The following AKAP12 variants were observed in gnomAD, a reference collection of about 807,000 sequenced individuals.
AKAP12 encodes the protein A-kinase anchoring protein 12, also known as A-kinase anchor protein 12.
A neutral mutation model predicts 79.9 loss-of-function variants in AKAP12; 32 were observed. The ratio of observed to expected loss-of-function variants is 0.40; its 90% CI spans 0.30 to 0.54. The LOEUF is 0.54. Ranked by LOEUF, AKAP12 falls within the 20% of genes least tolerant of loss-of-function variation. The pLI is 0.48. For missense variants in AKAP12, 2,074 were observed against 2,177.0 expected, an observed-to-expected ratio of 0.95 and a Z score of 0.94; for synonymous variants, 808 against 857.0, an observed-to-expected ratio of 0.94 and a Z score of 1.00.
chr6:151,267,949 G>T (rs76262569), intron 2 of AKAP12, among the ~76,000 whole-genome samples: 11,361 of 152,196 alleles, frequency 0.075, 649 homozygotes, highest in East Asian at 0.19. Context: ...TGGGCTGAAT[G>T]GTCATCGTCC....
intron 2 of AKAP12, among the ~76,000 whole-genome samples, chr6:151,262,587 CTTCAAG>C (rs1421617146): frequency 9.0e-6 from 1 of 110,936 alleles, no homozygotes; most frequent in Non-Finnish European, 1.8e-5. Context: ...ATGACTTCAA[CTTCAAG>C]TTCAAACACT....
intron 2 of AKAP12, among the ~76,000 whole-genome samples, chr6:151,279,801 T>C (rs9371503): frequency 0.45 from 68,360 of 151,522 alleles, 16,391 homozygotes; most frequent in East Asian, 0.78. Flanking sequence ...AGCTAACGAT[T>C]GCACCACTGC....
chr6:151,295,767 G>A lies in AKAP12; in HGVS notation c.163-9980G>A, dbSNP rs563396525. Among the ~76,000 whole-genome samples, 22 of 152,328 alleles carry A rather than the reference G, an allele frequency of 1.4e-4. 1 individual carries two copies. The highest frequency in any genetic ancestry group is 7.8e-4 in the Admixed American group (12 of 15,306). ...TCGGCAGTTGGTGGGATGATGTAGC[G>A]TAGGCTGTAAACCCCATCTTGGAAT... On this transcript the variant is annotated intron_variant, in intron 2 of 4. Transcript: ENST00000402676.
rs112087988 is a variant in AKAP12 at position 151,300,910 on chromosome 6, A to G, written c.163-4837A>G. Among the ~76,000 whole-genome samples the G allele has an allele frequency of 3.1e-3, 466 of 152,312 alleles. 5 individuals carry two copies. The highest frequency in any genetic ancestry group is 0.011 in the African/African-American group (440 of 41,566). On this transcript the variant is annotated intron_variant, in intron 2 of 4. Coordinates refer to ENST00000402676, the MANE Select transcript of AKAP12 (RefSeq NM_005100.4). ...GGTTTTCTGGTGCTTACCATGTTTA[A>G]GTGTAAGGAGCGTGTCTTTCAAGTC...
intron 2 of AKAP12, among the ~76,000 whole-genome samples, chr6:151,300,388 C>CA (rs1404694350): frequency 6.6e-6 from 1 of 152,162 alleles, no homozygotes; most frequent in Non-Finnish European, 1.5e-5. Context: ...GGGCCACTTG[C>CA]ACCCGGTCGT....
intron 2 of AKAP12, among the ~76,000 whole-genome samples, chr6:151,290,171 A>T (rs1415049231): frequency 6.6e-6 from 1 of 152,116 alleles, no homozygotes; most frequent in African/African-American, 2.4e-5. Context: ...GCTTATAGGG[A>T]CTAGAATTGT....
chr6:151,292,460 T>G (rs553709491), intron 2 of AKAP12, among the ~76,000 whole-genome samples: 1 of 152,320 alleles, frequency 6.6e-6, no homozygotes, highest in South Asian at 2.1e-4. Context: ...ACGAATTGGT[T>G]CCAGGACCCT....
chr6:151,333,400 G>A lies in AKAP12; in HGVS notation c.320-15311G>A, dbSNP rs190900249. On this transcript the variant is annotated intron_variant, in intron 3 of 4. Coordinates refer to ENST00000402676, the MANE Select transcript of AKAP12 (RefSeq NM_005100.4). ...AATGCATTTAACAGCCTCCCGCTGT[G>A]TTCACTAAGCTACAGTCTTTAACTC... 2.6e-5 allele frequency among the ~76,000 whole-genome samples: 4 copies of A among 152,280 alleles called. No homozygotes were observed. The East Asian group carries it at 7.7e-4, about 29-fold the overall frequency.
chr6:151,340,672 A>G (rs571634986), intron 3 of AKAP12, among the ~76,000 whole-genome samples: 1 of 152,072 alleles, frequency 6.6e-6, no homozygotes, highest in South Asian at 2.1e-4. Flanking sequence ...TCATGGGCGA[A>G]TACTCAAGAA....
intron 2 of AKAP12, among the ~76,000 whole-genome samples, chr6:151,268,997 T>G (rs1006175231): frequency 7.2e-6 from 1 of 139,326 alleles, no homozygotes; most frequent in Non-Finnish European, 1.6e-5. Context: ...ATCTAAACCC[T>G]TACTTTAATA....
chr6:151,327,949 C>T (rs775927061), intron 3 of AKAP12, among the ~76,000 whole-genome samples: 4 of 152,092 alleles, frequency 2.6e-5, no homozygotes, highest in Admixed American at 6.5e-5. Context: ...GTTTTTGCTC[C>T]GCAAGTTATT....
chr6:151,328,530 G>A (rs1445755594), intron 3 of AKAP12, among the ~76,000 whole-genome samples: 2 of 151,476 alleles, frequency 1.3e-5, no homozygotes, highest in African/African-American at 2.4e-5. Context: ...CCAGCTACTC[G>A]GGAGGCTGAG....
At chr6:151,343,990 C>T (rs750799612) in intron 3 of AKAP12, 1 of 437,122 alleles carries the variant, frequency 2.3e-6, no homozygotes, top group South Asian at 1.7e-5. Flanking sequence ...TAGTTTAAAT[C>T]GTCGATGTCT....
rs962926724 is a variant in AKAP12, at chr6:151,281,664, C to T, written c.163-24083C>T. ...TGTGAGGCTAGGACCCAATTTCCTGCGGCTTCATTCTTTTCTCCACACACG... is the reference window on the plus strand; with the variant it reads ...TGTGAGGCTAGGACCCAATTTCCTGTGGCTTCATTCTTTTCTCCACACACG... On this transcript the variant is annotated intron_variant, in intron 2 of 4. Transcript: ENST00000402676. Among the ~76,000 whole-genome samples the T allele has an allele frequency of 3.3e-5, 5 of 152,058 alleles. No homozygotes were observed. The South Asian group carries it at 6.2e-4, about 19-fold the overall frequency.
At chr6:151,250,148 G>A (rs1797146206) in intron 2 of AKAP12, among the ~76,000 whole-genome samples, 1 of 152,106 alleles carries the variant, frequency 6.6e-6, no homozygotes, top group East Asian at 1.9e-4. Context: ...GGGAGGCTGA[G>A]GTGGGAAGAT....
At chr6:151,294,807 A>G (rs1376269632) in intron 2 of AKAP12, among the ~76,000 whole-genome samples, 1 of 152,238 alleles carries the variant, frequency 6.6e-6, no homozygotes, top group Non-Finnish European at 1.5e-5. Flanking sequence ...AAAGTAGGGA[A>G]TACTTGACTG....
chr6:151,264,368 TAAAAAAAAAAAA>T (rs11324571), intron 2 of AKAP12, among the ~76,000 whole-genome samples: 1 of 104,712 alleles, frequency 9.6e-6, no homozygotes, highest in Non-Finnish European at 2.0e-5. Flanking sequence ...CCCCACCTCT[TAAAAAAAAAAAA>T]AAAAAAAAGC....
intron 3 of AKAP12, 23 bp from the exon 4 acceptor site, chr6:151,348,688 C>G (rs773441771): frequency 3.3e-6 from 1 of 302,282 alleles, no homozygotes. Context: ...TCTCCCCACC[C>G]CCCCGCCCCT....
At chr6:151,338,184 G>T (rs983801843) in intron 3 of AKAP12, among the ~76,000 whole-genome samples, 1 of 152,066 alleles carries the variant, frequency 6.6e-6, no homozygotes, top group African/African-American at 2.4e-5. Flanking sequence ...ATACATTTAC[G>T]TTATTACAGA....
Sources: allele counts gnomAD v4.1 joint callset (sites outside exome capture counted in the v4.1 genomes callset), GRCh38; gene constraint gnomAD v4.1.1; transcripts MANE v1.5; gene names NCBI Gene and HGNC (gene_info 2026-07-23, HGNC 2026-07-21).